Variants in MRPS5 observed in about 807,000 individuals in gnomAD.
The protein encoded by MRPS5 is mitochondrial ribosomal protein S5, also known as small ribosomal subunit protein uS5m.
A neutral mutation model predicts 51.9 loss-of-function variants in MRPS5; 27 were observed. The ratio of observed to expected loss-of-function variants is 0.52; its 90% CI spans 0.38 to 0.72. The LOEUF (loss-of-function observed/expected upper bound fraction) is 0.72. MRPS5 is among the 30% of genes least tolerant of loss of function. MRPS5 has a pLI of 0.00. For missense variants in MRPS5, 570 were observed against 545.7 expected, an observed-to-expected ratio of 1.04 and a Z score of -0.44; for synonymous variants, 196 against 193.2, an observed-to-expected ratio of 1.01 and a Z score of -0.12.
intron 7 of MRPS5, 79 bp downstream of exon 7, chr2:95,104,561 C>T: frequency 2.7e-6 from 4 of 1,457,970 alleles, no homozygotes; most frequent in Non-Finnish European, 3.9e-6. Context: ...AGCATGAGCC[C>T]ATGGGCTCCA....
rs1573319979 is a variant in MRPS5, at chr2:95,087,268, A to T, written c.*89T>A. On this transcript the variant is annotated 3_prime_UTR_variant, in exon 12 of 12. Coordinates refer to ENST00000272418, the MANE Select transcript of MRPS5 (RefSeq NM_031902.5). ...GATTAAACTTCCCTCAAAACAAACA[A>T]AAGGCAAGGTAACATCCCAAGCTGT... 2.5e-5 allele frequency: 24 copies of T among 974,316 alleles called. No individual in the cohort carries two copies. In the East Asian group the frequency reaches 5.6e-4, roughly 23 times the overall value. The allele number at this position is 974,316 out of a possible 1,614,324, so 60.4% of individuals were successfully genotyped here.
In MRPS5 at chr2:95,087,492, G is replaced by T; in HGVS notation, c.1158C>A (p.Ser386=). 1 of 1,614,086 alleles carries T rather than the reference G, an allele frequency of 6.2e-7. No individual in the cohort carries two copies. Among genetic ancestry groups the T allele is most frequent in the Non-Finnish European group, 8.5e-7 (1 of 1,180,016 alleles). ...GATCCTTCCTCAAGGGCCCCCGGGG[G>T]GACGCAACCACAATGGGCAGAGGGC... ...ECGPLPIVVA[S]PRGPLRKDPE... The change falls in exon 12 of 12, where the codon TCC becomes TCA. Residue 386 remains serine (S), a synonymous_variant. Coordinates refer to ENST00000272418, the MANE Select transcript of MRPS5 (RefSeq NM_031902.5).
At chr2:95,095,166 C>T (rs1449531786) in intron 10 of MRPS5, among the ~76,000 whole-genome samples, 1 of 152,176 alleles carries the variant, frequency 6.6e-6, no homozygotes, top group Admixed American at 6.5e-5. Context: ...ATCAATTCAA[C>T]AAGAGCTAAT....
At chr2:95,114,408 T>C (rs1002678427) in intron 3 of MRPS5, among the ~76,000 whole-genome samples, 5 of 151,658 alleles carry the variant, frequency 3.3e-5, no homozygotes, top group Admixed American at 1.3e-4. Flanking sequence ...CCTGGGACTA[T>C]AGGCGCCCGC....
Position 95,099,585 on chromosome 2 carries a change from G to A in MRPS5, c.931+889C>T, listed in dbSNP as rs557320943. 1.2e-3 allele frequency among the ~76,000 whole-genome samples: 179 copies of A among 152,232 alleles called. No homozygotes were observed. The South Asian group carries it at 0.022, about 19-fold the overall frequency. ...TATTACGTGCTCAATAGCCAGGCCC[G>A]CTAGTGACTAGTGGCTGCTGTATGG... On this transcript the variant is annotated intron_variant, in intron 10 of 11. Transcript: ENST00000272418.
At chr2:95,120,176 G>T (rs1308760305) in intron 1 of MRPS5, among the ~76,000 whole-genome samples, 1 of 152,106 alleles carries the variant, frequency 6.6e-6, no homozygotes, top group African/African-American at 2.4e-5. Context: ...TAGCAAAATA[G>T]GCCTAAGAGC....
chr2:95,090,286 C>A (rs912196519), intron 11 of MRPS5, 100 bp downstream of exon 11: 67 of 1,301,592 alleles, frequency 5.1e-5, no homozygotes, highest in Non-Finnish European at 6.8e-5. Context: ...CAGGTGGCCC[C>A]AGGAAAGCAT....
rs189104402 is a variant in MRPS5, at chr2:95,106,318, T to A, written c.672+105A>T. The A allele has an allele frequency of 4.1e-4, 366 of 896,422 alleles. 4 individuals are homozygous for A. In the East Asian group the frequency reaches 5.8e-3, roughly 14 times the overall value. 55.5% of individuals were successfully genotyped at this position (896,422 alleles called of 1,614,324 possible). A position where few individuals can be genotyped will look rare whatever the true frequency, so the allele number is the denominator to read the frequency against. ...CAGATCAGCTGTGTGTCAGAAATAG[T>A]CATGCATCCAAGGCCTTCCCTTACA... On this transcript the variant is annotated intron_variant, in intron 6 of 11. Coordinates refer to ENST00000272418, the MANE Select transcript of MRPS5 (RefSeq NM_031902.5).
chr2:95,106,359 T>TGC, intron 6 of MRPS5, 64 bp downstream of exon 6: 1 of 835,276 alleles, frequency 1.2e-6, no homozygotes, highest in Non-Finnish European at 2.1e-6. Context: ...TCTTGCCCTG[T>TGC]CCCTGCCCCA....
chr2:95,089,491 G>C, intron 11 of MRPS5, among the ~76,000 whole-genome samples: 1 of 152,214 alleles, frequency 6.6e-6, no homozygotes, highest in African/African-American at 2.4e-5. Flanking sequence ...GGGCAGGTAG[G>C]GGAGCTGCCC....
chr2:95,120,729 G>A (rs1676418731), intron 1 of MRPS5, among the ~76,000 whole-genome samples: 1 of 152,168 alleles, frequency 6.6e-6, no homozygotes, highest in Admixed American at 6.5e-5. Context: ...CTGTAAAATG[G>A]GAACAGCAGT....
At chr2:95,117,014 G>A (rs192880384) in intron 2 of MRPS5, among the ~76,000 whole-genome samples, 19 of 152,244 alleles carry the variant, frequency 1.2e-4, no homozygotes, top group Admixed American at 1.2e-3. Context: ...AGTGGCACAT[G>A]CCTGTAGTCC....
intron 10 of MRPS5, among the ~76,000 whole-genome samples, chr2:95,095,633 A>G (rs1378363824): frequency 2.0e-5 from 3 of 152,224 alleles, no homozygotes; most frequent in Non-Finnish European, 2.9e-5. Context: ...TAAAGGCAGA[A>G]ATAAAGATGT....
At chr2:95,089,437 T>C (rs1457942635) in intron 11 of MRPS5, among the ~76,000 whole-genome samples, 1 of 152,168 alleles carries the variant, frequency 6.6e-6, no homozygotes, top group Non-Finnish European at 1.5e-5. Context: ...CATCCACCTA[T>C]GCTAAGGTCT....
In MRPS5 at chr2:95,117,396, T is replaced by C. The variant is rs150457292; in HGVS notation, c.139+469A>G. On this transcript the variant is annotated intron_variant, in intron 2 of 11. Transcript: ENST00000272418. ...TTGTAGGAAAAAGAAAATGTAATGA[T>C]AGAATTCTACCTAACTCAGCTGTAA... is the stretch of plus-strand genomic sequence containing the variant. Among the ~76,000 whole-genome samples, 754 of 151,716 alleles carry C rather than the reference T, an allele frequency of 5.0e-3. 4 individuals are homozygous for C. Among genetic ancestry groups the C allele is most frequent in the African/African-American group, 0.017 (700 of 41,404 alleles).
chr2:95,114,131 A>AAAAAAAAAAAAAAAAAAAAAAAAAAG, intron 3 of MRPS5, among the ~76,000 whole-genome samples: 1 of 151,410 alleles, frequency 6.6e-6, no homozygotes, highest in Non-Finnish European at 1.5e-5. Flanking sequence ...AAAAAAAAAA[A>AAAAAAAAAAAAAAAAAAAAAAAAAAG]AAAAAAAAAA....
chr2:95,106,617 T>C lies in MRPS5; in HGVS notation c.638-160A>G. On this transcript the variant is annotated intron_variant, in intron 5 of 11. Coordinates refer to ENST00000272418, the MANE Select transcript of MRPS5 (RefSeq NM_031902.5). ...CCATGCCCCAGTCACCCCTCATCAC[T>C]AGAGACTGCTCCACCAGTTAAGTTC... 3.1e-6 allele frequency: 2 copies of C among 649,258 alleles called. 1 individual carries two copies. Among genetic ancestry groups the C allele is most frequent in the South Asian group, 3.5e-5 (2 of 56,668 alleles). The allele number at this position is 649,258 out of a possible 1,614,324, so 40.2% of individuals were successfully genotyped here.
intron 1 of MRPS5, among the ~76,000 whole-genome samples, chr2:95,118,743 T>G (rs1676360766): frequency 6.6e-6 from 1 of 152,182 alleles, no homozygotes; most frequent in African/African-American, 2.4e-5. Flanking sequence ...GACCATTCAA[T>G]GAGGAAAGAA....
At chr2:95,121,816 C>G, upstream of MRPS5, 1 of 1,527,568 alleles carries the variant, frequency 6.5e-7, no homozygotes, top group Non-Finnish European at 8.7e-7. Flanking sequence ...CGCGCCTCGG[C>G]CTCCGCCCAG....
Sources: allele counts gnomAD v4.1 joint callset (sites outside exome capture counted in the v4.1 genomes callset), GRCh38; gene constraint gnomAD v4.1.1; transcripts MANE v1.5; gene names NCBI Gene and HGNC (gene_info 2026-07-23, HGNC 2026-07-21).